WDR1: variants seen among roughly 807,000 people sequenced by gnomAD.
The protein encoded by WDR1 is WD repeat domain 1.
WDR1 carries 21 observed loss-of-function variants against 71.9 expected under a neutral mutation model. The observed-to-expected ratio is 0.29, with a 90% CI of 0.21 to 0.42. The LOEUF is 0.42. Ranked by LOEUF, WDR1 falls within the 10% of genes least tolerant of loss-of-function variation. The pLI is 1.00. For synonymous variants in WDR1, 424 were observed against 347.4 expected (o/e 1.22, Z -2.45); for missense variants, 696 against 824.5 (o/e 0.84, Z 1.91).
intron 2 of WDR1, among the ~76,000 whole-genome samples, chr4:10,107,499 G>A (rs11732818): frequency 0.62 from 93,807 of 151,986 alleles, 30,303 homozygotes; most frequent in Middle Eastern, 0.76. Context: ...CAGCCCACTC[G>A]TCGCTACCCT....
At position 10,116,780 on chromosome 4, in the gene WDR1, G is replaced by A. The variant is rs1015424166; in HGVS notation, c.-114C>T. 1.3e-5 allele frequency: 15 copies of A among 1,191,808 alleles called. No individual in the cohort carries two copies. The highest frequency in any genetic ancestry group is 1.6e-5 in the African/African-American group (1 of 62,366). The allele number at this position is 1,191,808 out of a possible 1,614,324, so 73.8% of individuals were successfully genotyped here. A position where few individuals can be genotyped will look rare whatever the true frequency, so the allele number is the denominator to read the frequency against. On this transcript the variant is annotated 5_prime_UTR_variant, in exon 1 of 15. Coordinates refer to ENST00000499869, the MANE Select transcript of WDR1 (RefSeq NM_017491.5). ...GGGACTGGAGCCGGAAGGCGGCACCGGGCGTGCCGGGAGTGGAGTGGGCGG... is the reference window on the plus strand; with the variant it reads ...GGGACTGGAGCCGGAAGGCGGCACCAGGCGTGCCGGGAGTGGAGTGGGCGG...
chr4:10,116,041 G>T, intron 2 of WDR1, 72 bp downstream of exon 2: 4 of 1,561,148 alleles, frequency 2.6e-6, no homozygotes, highest in Non-Finnish European at 3.5e-6. Context: ...GTGAGAAGTG[G>T]AGAGGAAGGC....
rs745475912 is a variant in WDR1 at position 10,077,295 on chromosome 4, G to T, written c.1714+9C>A. ...GTGGTCCCTGCCAAGGCCTGGGGGC[G>T]GAAGTCACCTTGGATCTTGACTCTG... is the stretch of plus-strand genomic sequence containing the variant. On this transcript the variant is annotated intron_variant, in intron 14 of 14. Coordinates refer to ENST00000499869, the MANE Select transcript of WDR1 (RefSeq NM_017491.5). 3 of 1,613,784 alleles carry T rather than the reference G, an allele frequency of 1.9e-6. No individual in the cohort carries two copies. The highest frequency in any genetic ancestry group is 3.3e-5 in the Admixed American group (2 of 60,016).
chr4:10,077,652 C>G (rs1764850859), intron 13 of WDR1, 101 bp downstream of exon 13: 1 of 1,468,430 alleles, frequency 6.8e-7, no homozygotes, highest in East Asian at 2.5e-5. Context: ...AAAACTACAG[C>G]TCAGACAGGC....
chr4:10,077,423 T>C lies in WDR1; in HGVS notation c.1595A>G (p.His532Arg). 2 of 1,613,980 alleles carry C rather than the reference T, an allele frequency of 1.2e-6. No individual in the cohort carries two copies. The highest frequency in any genetic ancestry group is 1.7e-6 in the Non-Finnish European group (2 of 1,179,864). The change falls in exon 14 of 15, where the codon CAT (histidine) becomes CGT (arginine). Residue 532 changes from histidine to arginine, a missense_variant. Coordinates refer to ENST00000499869, the MANE Select transcript of WDR1 (RefSeq NM_017491.5). ...YSENNVFYGH[H>R]AKIVCLAWSP... ...CCAGGCCAGGCAGACGATTTTTGCATGGTGTCCATAAAAAACATTGTTCTC... is the reference window on the plus strand; with the variant it reads ...CCAGGCCAGGCAGACGATTTTTGCACGGTGTCCATAAAAAACATTGTTCTC...
At chr4:10,077,592 C>T in intron 13 of WDR1, 144 bp from the exon 14 acceptor site, 3 of 1,488,388 alleles carry the variant, frequency 2.0e-6, no homozygotes, top group Admixed American at 1.9e-5. Context: ...TGCAAACCCA[C>T]TGACTCCTCA....
chr4:10,081,667 G>C lies in WDR1; in HGVS notation c.1197-223C>G, dbSNP rs868570516. Among the ~76,000 whole-genome samples, 14 of 136,460 alleles carry C rather than the reference G, an allele frequency of 1.0e-4. 1 individual carries two copies. Among genetic ancestry groups the C allele is most frequent in the African/African-American group, 2.7e-4 (10 of 37,518 alleles). The allele number at this position is 136,460 out of a possible 152,430, so 89.5% of individuals were successfully genotyped here. The stretch of plus-strand genomic sequence containing the variant: ...TAATGGGGGCCCGGGGAGGGGTGGG[G>C]GGGGGGGAAGGAGGGGCGGGAGGCG... On this transcript the variant is annotated intron_variant, in intron 10 of 14. Transcript: ENST00000499869.
chr4:10,104,935 C>G (rs1229749046), intron 2 of WDR1, among the ~76,000 whole-genome samples: 1 of 152,230 alleles, frequency 6.6e-6, no homozygotes, highest in Non-Finnish European at 1.5e-5. Flanking sequence ...CACCCCACCC[C>G]TCATCTCCCT....
chr4:10,104,825 T>G (rs976522895), intron 2 of WDR1, among the ~76,000 whole-genome samples: 7 of 152,266 alleles, frequency 4.6e-5, no homozygotes, highest in African/African-American at 1.7e-4. Flanking sequence ...ACAAACCAAG[T>G]GCTCTTTGAA....
chr4:10,098,926 G>A, intron 4 of WDR1, 66 bp downstream of exon 4: 1 of 1,602,476 alleles, frequency 6.2e-7, no homozygotes. Context: ...CCCCTCCCAG[G>A]GTCATAGCAC....
intron 2 of WDR1, among the ~76,000 whole-genome samples, chr4:10,111,878 G>T (rs1194918703): frequency 6.7e-6 from 1 of 150,372 alleles, no homozygotes; most frequent in South Asian, 2.1e-4. Context: ...GTGTCAAATT[G>T]CTATAAACCT....
intron 10 of WDR1, 37 bp downstream of exon 10, chr4:10,082,985 G>A: frequency 6.3e-7 from 1 of 1,583,164 alleles, no homozygotes; most frequent in African/African-American, 1.3e-5. Context: ...GGGAGCTGAG[G>A]CTCATCCGGA....
chr4:10,087,757 T>G lies in WDR1; in HGVS notation c.901A>C (p.Ile301Leu). 1.2e-6 allele frequency: 2 copies of G among 1,603,132 alleles called. No individual in the cohort carries two copies. The highest frequency in any genetic ancestry group is 1.7e-6 in the Non-Finnish European group (2 of 1,174,646). The change falls in exon 8 of 15, where the codon ATC becomes CTC. Residue 301 changes from isoleucine (I) to leucine (L), a missense_variant. Transcript: ENST00000499869. ...GGGTTGTTTCTGTCCAGATAGTTGA[T>G]GTACCCGGACAGGGAGACACTGAGC... ...HLLSVSLSGY[I>L]NYLDRNNPSK... is the part of the protein sequence containing the mutation.
intron 4 of WDR1, 59 bp from the exon 5 acceptor site, chr4:10,097,950 G>T (rs1712453223): frequency 1.4e-6 from 2 of 1,458,210 alleles, no homozygotes; most frequent in Admixed American, 2.6e-5. Context: ...ATCCCAGAAG[G>T]CTGGTAAGCA....
At chr4:10,095,053 G>T (rs992252737) in intron 5 of WDR1, among the ~76,000 whole-genome samples, 3 of 152,220 alleles carry the variant, frequency 2.0e-5, no homozygotes, top group African/African-American at 7.2e-5. Context: ...CAGCTTCCTG[G>T]TCCCGGCCAC....
intron 11 of WDR1, among the ~76,000 whole-genome samples, chr4:10,080,891 C>G (rs737678): frequency 2.6e-5 from 4 of 152,200 alleles, no homozygotes; most frequent in African/African-American, 9.6e-5. Flanking sequence ...TGTAAGGAGA[C>G]TTACATGTAC....
chr4:10,104,313 G>C (rs182737547), intron 2 of WDR1, among the ~76,000 whole-genome samples: 1 of 152,166 alleles, frequency 6.6e-6, no homozygotes, highest in African/African-American at 2.4e-5. Flanking sequence ...AGGTGGATTA[G>C]AGCAAGAAGC....
chr4:10,097,625 C>G (rs1486857276), intron 5 of WDR1, 86 bp downstream of exon 5: 25 of 1,470,050 alleles, frequency 1.7e-5, no homozygotes, highest in Non-Finnish European at 2.2e-5. Flanking sequence ...GTGCTGTGGT[C>G]TCTGCCATCA....
intron 2 of WDR1, among the ~76,000 whole-genome samples, chr4:10,114,486 T>C (rs538034129): frequency 3.4e-4 from 52 of 152,324 alleles, no homozygotes; most frequent in African/African-American, 1.1e-3. Context: ...CAGGGCCAGA[T>C]GCACAGCAGG....
Sources: gnomAD v4.1 joint callset for allele counts (sites outside exome capture counted in the v4.1 genomes callset) on GRCh38, gnomAD v4.1.1 for gene constraint, MANE v1.5 for transcripts, NCBI Gene and HGNC (gene_info 2026-07-23, HGNC 2026-07-21) for gene names.